CLCNKA: variants seen among roughly 807,000 people sequenced by gnomAD.
The protein encoded by CLCNKA is chloride channel protein ClC-Ka.
In CLCNKA, 66 loss-of-function variants were observed where a neutral mutation model predicts 83.3. The ratio of observed to expected loss-of-function variants is 0.79; its 90% CI spans 0.65 to 0.97. The LOEUF is 0.97. Among genes scored for constraint, CLCNKA ranks in the 50% least tolerant of loss-of-function variants. The pLI is 0.00. For missense variants in CLCNKA, 806 were observed against 888.7 expected, an observed-to-expected ratio of 0.91 and a Z score of 1.18; for synonymous variants, 357 against 370.4, an observed-to-expected ratio of 0.96 and a Z score of 0.42.
chr1:16,024,816 T>C lies in CLCNKA; in HGVS notation c.283T>C (p.Ser95Pro). Residue 95 changes from serine (S) to proline (P), a missense_variant, in exon 4 of 20, where the codon TCC becomes CCC. Coordinates refer to ENST00000331433, the MANE Select transcript of CLCNKA (RefSeq NM_004070.4). The part of the protein sequence containing the change: ...IGDSHLLRYL[S>P]WTVYPVALVS... ...GGACAGCCACCTGCTCCGGTATCTT[T>C]CCTGGACTGTGTACCCTGTGGCCCT... 1.9e-6 allele frequency: 3 copies of C among 1,614,174 alleles called. No homozygotes were observed. Among genetic ancestry groups the C allele is most frequent in the Non-Finnish European group, 1.7e-6 (2 of 1,180,038 alleles).
chr1:16,025,742 T>G (rs534424203), intron 4 of CLCNKA, among the ~76,000 whole-genome samples: 1 of 151,522 alleles, frequency 6.6e-6, no homozygotes, highest in Non-Finnish European at 1.5e-5. Context: ...GTTATGAGAG[T>G]TTTTTTTGTT....
intron 2 of CLCNKA, 51 bp from the exon 3 acceptor site, chr1:16,023,749 G>A (rs2022231548): frequency 6.2e-7 from 1 of 1,610,238 alleles, no homozygotes; most frequent in Non-Finnish European, 8.5e-7. Flanking sequence ...GGAAGGGGCT[G>A]TCTGTGCCCC....
intron 4 of CLCNKA, among the ~76,000 whole-genome samples, chr1:16,025,392 A>G (rs1436227644): frequency 1.3e-5 from 2 of 152,206 alleles, no homozygotes; most frequent in Non-Finnish European, 2.9e-5. Context: ...TCATAATAGG[A>G]CTAGGTGCAG....
chr1:16,023,689 C>T, intron 2 of CLCNKA, 111 bp from the exon 3 acceptor site: 1 of 1,351,410 alleles, frequency 7.4e-7, no homozygotes, highest in East Asian at 2.4e-5. Flanking sequence ...AGGACTACCC[C>T]AGACTCAACT....
chr1:16,027,310 G>A lies in CLCNKA; in HGVS notation c.656G>A (p.Gly219Asp), dbSNP rs1286133127. The A allele has an allele frequency of 1.2e-6, 2 of 1,613,126 alleles. No individual in the cohort carries two copies. Among genetic ancestry groups the A allele is most frequent in the Non-Finnish European group, 8.5e-7 (1 of 1,179,988 alleles). Residue 219 changes from glycine (G) to aspartate (D), a missense_variant and splice_region_variant, in exon 8 of 20, where the codon GGC becomes GAC. Gly to Asp is a moderately conservative substitution (Grantham distance 94, BLOSUM62 -1). Coordinates refer to ENST00000331433, the MANE Select transcript of CLCNKA (RefSeq NM_004070.4). ...VATVFAAPFS[G>D]VLFSIEVMSS... Reference sequence around the variant, plus strand: ...CACCTGACATCAGTGTCGCCCCCAGGCGTCCTGTTCAGCATCGAGGTCATG... The same window carrying A: ...CACCTGACATCAGTGTCGCCCCCAGACGTCCTGTTCAGCATCGAGGTCATG...
chr1:16,033,885 G>A lies in CLCNKA; in HGVS notation c.*227G>A. On this transcript the variant is annotated 3_prime_UTR_variant, in exon 20 of 20. Transcript: ENST00000331433. The stretch of plus-strand genomic sequence containing the variant: ...AATCCCACCTTGGGCAGAGCTGAGT[G>A]TGAGAAGATGGAAAACCAGTATCTG... 3.1e-6 allele frequency: 2 copies of A among 647,364 alleles called. No homozygotes were observed. Among genetic ancestry groups the A allele is most frequent in the Non-Finnish European group, 5.7e-6 (2 of 352,168 alleles). 40.1% of individuals were successfully genotyped at this position (647,364 alleles called of 1,614,324 possible).
intron 2 of CLCNKA, 97 bp downstream of exon 2, chr1:16,022,816 C>T (rs1233158319): frequency 2.3e-6 from 2 of 875,136 alleles, no homozygotes; most frequent in Non-Finnish European, 3.4e-6. Flanking sequence ...AACCACCCTC[C>T]TGTCATTTGT....
Position 16,032,607 on chromosome 1 carries a change from C to G in CLCNKA, c.1929+81C>G, listed in dbSNP as rs1023511258. On this transcript the variant is annotated intron_variant, in intron 18 of 19. Coordinates refer to ENST00000331433, the MANE Select transcript of CLCNKA (RefSeq NM_004070.4). Reference sequence around the variant, plus strand: ...ATGAGGAGCTCAGGCTCCAGCCTCCCGTCCCAACCCCGCCCCGCCCATCTT... The same window carrying G: ...ATGAGGAGCTCAGGCTCCAGCCTCCGGTCCCAACCCCGCCCCGCCCATCTT... 6.4e-6 allele frequency: 7 copies of G among 1,094,514 alleles called. No individual in the cohort carries two copies. The African/African-American group carries it at 7.6e-5, about 12-fold the overall frequency. The allele number at this position is 1,094,514 out of a possible 1,614,324, so 67.8% of individuals were successfully genotyped here.
intron 7 of CLCNKA, among the ~76,000 whole-genome samples, chr1:16,027,092 G>T (rs1281088882): frequency 1.1e-4 from 16 of 152,226 alleles, no homozygotes; most frequent in African/African-American, 3.6e-4. Context: ...ACCCGATAGG[G>T]AGAGGGCGCA....
chr1:16,026,992 A>C, intron 7 of CLCNKA: 1 of 662,196 alleles, frequency 1.5e-6, no homozygotes. Flanking sequence ...TCAGGATAAC[A>C]TTACACAGAC....
intron 3 of CLCNKA, among the ~76,000 whole-genome samples, chr1:16,024,546 G>A (rs528317394): frequency 6.6e-6 from 1 of 152,336 alleles, no homozygotes; most frequent in African/African-American, 2.4e-5. Context: ...GAGAGGCTGA[G>A]TGGCTTGCCC....
chr1:16,028,619 C>T (rs747649178), intron 10 of CLCNKA, 142 bp from the exon 11 acceptor site: 74 of 1,050,098 alleles, frequency 7.0e-5, no homozygotes, highest in African/African-American at 2.0e-4. Flanking sequence ...TCCCTGCTCC[C>T]GCCCTTCCTC....
At chr1:16,022,568 C>G in intron 1 of CLCNKA, 45 bp from the exon 2 acceptor site, 1 of 1,426,862 alleles carries the variant, frequency 7.0e-7, no homozygotes, top group Non-Finnish European at 9.6e-7. Flanking sequence ...AGCGCGAGGA[C>G]GTGCAGCAGC....
chr1:16,028,804 A>G lies in CLCNKA; in HGVS notation c.1012A>G (p.Ile338Val), dbSNP rs1382197480. 1.2e-6 allele frequency: 2 copies of G among 1,613,936 alleles called. No homozygotes were observed. The highest frequency in any genetic ancestry group is 1.7e-6 in the Non-Finnish European group (2 of 1,179,964). Residue 338 changes from isoleucine (I) to valine (V), a missense_variant, in exon 11 of 20, where the codon ATC (isoleucine) becomes GTC (valine). By Grantham distance (29) the Ile-to-Val change is conservative (BLOSUM62 3). Transcript: ENST00000331433. The stretch of plus-strand genomic sequence containing the variant: ...TCTGGCCACCTTGCTTCTCGCCTCC[A>G]TCACCTACCCGCCTGGTGTGGGCCA... ...SALATLLLAS[I>V]TYPPGVGHFL...
chr1:16,029,823 C>G, intron 13 of CLCNKA, 23 bp downstream of exon 13: 1 of 1,613,992 alleles, frequency 6.2e-7, no homozygotes, highest in Non-Finnish European at 8.5e-7. Flanking sequence ...TCCTGAGGTT[C>G]TGAGAGTTTT....
At chr1:16,028,251 A>G (rs1030093919) in intron 10 of CLCNKA, 132 bp downstream of exon 10, 6 of 837,800 alleles carry the variant, frequency 7.2e-6, no homozygotes, top group African/African-American at 5.0e-5. Flanking sequence ...GCATCTAACA[A>G]CCCTCTCCAA....
chr1:16,026,953 G>C (rs2022385283), intron 7 of CLCNKA, 178 bp downstream of exon 7: 1 of 818,338 alleles, frequency 1.2e-6, no homozygotes, highest in East Asian at 2.7e-5. Context: ...CGGGTGGTTG[G>C]GGGCGTGGTT....
intron 19 of CLCNKA, 71 bp from the exon 20 acceptor site, chr1:16,033,539 TA>T: frequency 8.4e-7 from 1 of 1,195,628 alleles, no homozygotes; most frequent in Non-Finnish European, 1.2e-6. Context: ...CTTAGGGGAC[TA>T]AAAATGCTGG....
At chr1:16,028,484 C>T in intron 10 of CLCNKA, 1 of 631,694 alleles carries the variant, frequency 1.6e-6, no homozygotes, top group East Asian at 2.8e-5. Flanking sequence ...GGCCCACTGT[C>T]TCCTCCCTCC....
Sources: allele counts gnomAD v4.1 joint callset (sites outside exome capture counted in the v4.1 genomes callset), GRCh38; gene constraint gnomAD v4.1.1; transcripts MANE v1.5; gene names NCBI Gene and HGNC (gene_info 2026-07-23, HGNC 2026-07-21).